The following LRRC41 variants were observed in gnomAD, a reference collection of about 807,000 sequenced individuals.
LRRC41 encodes the protein leucine-rich repeat-containing protein 41.
LRRC41 carries 17 observed loss-of-function variants against 72.1 expected under a neutral mutation model. The ratio of observed to expected loss-of-function variants is 0.24; its 90% confidence interval spans 0.16 to 0.35. The LOEUF is 0.35. LRRC41 is among the 10% of genes least tolerant of loss of function. The probability of loss-of-function intolerance (pLI) is 1.00; values close to 1 mark genes in which losing one functional copy is unlikely to be tolerated. For missense variants in LRRC41, 759 were observed against 1,065.0 expected, an observed-to-expected ratio of 0.71 and a Z score of 4.00; for synonymous variants, 427 against 431.0, an observed-to-expected ratio of 0.99 and a Z score of 0.11.
At chr1:46,290,935 T>G (rs1381340138) in intron 3 of LRRC41, among the ~76,000 whole-genome samples, 11 of 147,406 alleles carry the variant, frequency 7.5e-5, no homozygotes, top group Non-Finnish European at 1.2e-4. Flanking sequence ...TTTTTTTTTT[T>G]TTTTTTTTTA....
rs1324708456 is a variant in LRRC41, at chr1:46,278,773, G to GAT, written c.*90_*91dup. ...AGAAAAAAGGTGACAGAAAGAGAAA[G>GAT]ATAGAACTGGTGGTTGGGGTTCTGG... On this transcript the variant is annotated 3_prime_UTR_variant, in exon 10 of 10. Coordinates refer to ENST00000617190, the MANE Select transcript of LRRC41 (RefSeq NM_006369.5). The GAT allele has an allele frequency of 2.4e-6, 3 of 1,234,920 alleles. No homozygotes were observed. The highest frequency in any genetic ancestry group is 3.0e-5 in the African/African-American group (2 of 66,824). The allele number at this position is 1,234,920 out of a possible 1,614,324, so 76.5% of individuals were successfully genotyped here.
chr1:46,283,314 T>C (rs1186036432), intron 4 of LRRC41, among the ~76,000 whole-genome samples: 1 of 152,146 alleles, frequency 6.6e-6, no homozygotes, highest in Non-Finnish European at 1.5e-5. Flanking sequence ...GAAATAAATG[T>C]ATTTAACAAA....
At chr1:46,291,552 GTTTTT>G (rs1219656700) in intron 3 of LRRC41, among the ~76,000 whole-genome samples, 3 of 84,942 alleles carry the variant, frequency 3.5e-5, no homozygotes, top group East Asian at 3.3e-4. Flanking sequence ...GCCCCAGCTG[GTTTTT>G]TTTTTTTTTT....
Position 46,277,895 on chromosome 1 carries a change from C to G in LRRC41, c.*970G>C, listed in dbSNP as rs1319279387. ...GAGCAGCTGTGTGGTGGATGAGGAGCAGGATGTAGAGCGCCACTTCTCTCT... is the reference window on the plus strand; with the variant it reads ...GAGCAGCTGTGTGGTGGATGAGGAGGAGGATGTAGAGCGCCACTTCTCTCT... On this transcript the variant is annotated 3_prime_UTR_variant, in exon 10 of 10. Coordinates refer to ENST00000617190, the MANE Select transcript of LRRC41 (RefSeq NM_006369.5). 1.2e-6 allele frequency: 2 copies of G among 1,614,054 alleles called. No individual in the cohort carries two copies. The highest frequency in any genetic ancestry group is 1.7e-6 in the Non-Finnish European group (2 of 1,180,014).
Position 46,303,318 on chromosome 1 carries a change from G to C in LRRC41, c.5C>G (p.Ala2Gly). 1 of 1,523,216 alleles carries C rather than the reference G, an allele frequency of 6.6e-7. No individual in the cohort carries two copies. The highest frequency in any genetic ancestry group is 8.8e-7 in the Non-Finnish European group (1 of 1,137,464). The allele number at this position is 1,523,216 out of a possible 1,614,324, so 94.4% of individuals were successfully genotyped here. The change falls in exon 1 of 10, where the codon GCG becomes GGG. Residue 2 changes from alanine (A) to glycine (G), a missense_variant. By Grantham distance (60) the Ala-to-Gly change is moderately conservative (BLOSUM62 0). Around this residue, in one of 4 missense-constraint regions of LRRC41, gnomAD observed 106 missense variants for 66.1 expected, o/e 1.60. Transcript: ENST00000617190. ...CCGGGCGCGCCAGGCCTCGGGCGCC[G>C]CCATCTTGGGGAGGTGCGCGAGCCC... Reference protein sequence around the residue: MAAPEAWRARSC... With the variant: MGAPEAWRARSC...
rs1443443025 is a variant in LRRC41 at position 46,278,777 on chromosome 1, G to T, written c.*88C>A. The T allele has an allele frequency of 1.8e-5, 23 of 1,255,126 alleles. No individual in the cohort carries two copies. The highest frequency in any genetic ancestry group is 2.4e-5 in the Non-Finnish European group (21 of 876,804). The allele number at this position is 1,255,126 out of a possible 1,614,324, so 77.7% of individuals were successfully genotyped here. A position where few individuals can be genotyped will look rare whatever the true frequency, so the allele number is the denominator to read the frequency against. On this transcript the variant is annotated 3_prime_UTR_variant, in exon 10 of 10. Transcript: ENST00000617190. ...AAAAGGTGACAGAAAGAGAAAGATA[G>T]AACTGGTGGTTGGGGTTCTGGGCAG...
Position 46,298,247 on chromosome 1 carries a change from T to A in LRRC41, c.286+37A>T, listed in dbSNP as rs759325867. On this transcript the variant is annotated intron_variant, in intron 2 of 9. Coordinates refer to ENST00000617190, the MANE Select transcript of LRRC41 (RefSeq NM_006369.5). ...GAAGAACATTATGGTGCCTTGCTCATAATCATTGACTGAGAAAGAGACAGA... is the reference window on the plus strand; with the variant it reads ...GAAGAACATTATGGTGCCTTGCTCAAAATCATTGACTGAGAAAGAGACAGA... 2.1e-6 allele frequency: 3 copies of A among 1,409,848 alleles called. No homozygotes were observed. In the South Asian group the frequency reaches 3.6e-5, roughly 17 times the overall value. 87.3% of individuals were successfully genotyped at this position (1,409,848 alleles called of 1,614,324 possible).
At position 46,285,759 on chromosome 1, in the gene LRRC41, AGAG is replaced by A; in HGVS notation, c.1095_1097del (p.Ser366del). 2 of 1,600,636 alleles carry A rather than the reference AGAG, an allele frequency of 1.2e-6. No individual in the cohort carries two copies. Among genetic ancestry groups the A allele is most frequent in the Non-Finnish European group, 1.7e-6 (2 of 1,173,436 alleles). On this transcript the variant is annotated inframe_deletion, in exon 4 of 10. Transcript: ENST00000617190. The surrounding 1 kb of genome is among the most constrained non-coding windows in gnomAD (Gnocchi z 5.3). ...TGTATGAGGATGTAGAAGAAGAGGC[AGAG>A]GAGGTGGCTGCTGGAGCAGAAGGTG...
In LRRC41 at chr1:46,279,118, G is replaced by T. The variant is rs375968359; in HGVS notation, c.2220-34C>A. 1.9e-5 allele frequency: 31 copies of T among 1,605,496 alleles called. 1 individual carries two copies. Among genetic ancestry groups the T allele is most frequent in the Non-Finnish European group, 2.5e-5 (29 of 1,173,024 alleles). ...GTGAGATGGATTAGATATCCAGGAA[G>T]CAGTGAATTCCTGGTCTATATCTCT... On this transcript the variant is annotated intron_variant, in intron 9 of 9. Coordinates refer to ENST00000617190, the MANE Select transcript of LRRC41 (RefSeq NM_006369.5). This position sits in a 1 kb window ranked among gnomAD's most constrained non-coding sequence, Gnocchi z 4.5.
In LRRC41 at chr1:46,277,757, C is replaced by G. The variant is rs1032842899; in HGVS notation, c.*1108G>C. 7.8e-6 allele frequency: 12 copies of G among 1,536,410 alleles called. No homozygotes were observed. The highest frequency in any genetic ancestry group is 1.4e-5 in the African/African-American group (1 of 73,178). ...TTCAACCCTTTGGTTTTCCTGCTCC[C>G]TTTTTATGAGGATGGCTAAGCGCTG... On this transcript the variant is annotated 3_prime_UTR_variant, in exon 10 of 10. Transcript: ENST00000617190.
rs762687845 is a variant in LRRC41 at position 46,286,595 on chromosome 1, C to G, written c.358-96G>C. ...ATAGCACACTATTTACTGAGTCAGG[C>G]AACACTACAAATTCATTTAATCTTC... On this transcript the variant is annotated intron_variant, in intron 3 of 9. Coordinates refer to ENST00000617190, the MANE Select transcript of LRRC41 (RefSeq NM_006369.5). The surrounding 1 kb of genome is among the most constrained non-coding windows in gnomAD (Gnocchi z 5.5). 9 of 1,119,940 alleles carry G rather than the reference C, an allele frequency of 8.0e-6. No homozygotes were observed. The South Asian group carries it at 1.3e-4, about 16-fold the overall frequency. The allele number at this position is 1,119,940 out of a possible 1,614,324, so 69.4% of individuals were successfully genotyped here.
chr1:46,285,727 G>A lies in LRRC41; in HGVS notation c.1130C>T (p.Ala377Val), dbSNP rs1427778924. 1.9e-6 allele frequency: 3 copies of A among 1,608,458 alleles called. No homozygotes were observed. The highest frequency in any genetic ancestry group is 4.5e-5 in the East Asian group (2 of 44,788). ...ASSSTSSYKR[A>V]PASSAPQPKP... ...AGGCTGTGGGGCTGAGCTAGCTGGT[G>A]CCCGTTTGTATGAGGATGTAGAAGA... The change falls in exon 4 of 10, where the codon GCA becomes GTA. Residue 377 changes from alanine to valine, a missense_variant. Ala to Val is a moderately conservative substitution (Grantham distance 64). Around this residue, in one of 4 missense-constraint regions of LRRC41, gnomAD observed 427 missense variants for 520.9 expected, o/e 0.82. Coordinates refer to ENST00000617190, the MANE Select transcript of LRRC41 (RefSeq NM_006369.5). The surrounding 1 kb of genome is among the most constrained non-coding windows in gnomAD (Gnocchi z 5.3).
intron 1 of LRRC41, among the ~76,000 whole-genome samples, chr1:46,301,171 T>C (rs922188565): frequency 2.6e-5 from 4 of 152,106 alleles, no homozygotes; most frequent in South Asian, 2.1e-4. Flanking sequence ...GGAATTCTCA[T>C]CCCCAGTTAC....
chr1:46,299,585 A>C (rs962470439), intron 1 of LRRC41: 1 of 151,130 alleles, frequency 6.6e-6, no homozygotes, highest in Admixed American at 6.6e-5. Flanking sequence ...GCCTCAAAAA[A>C]TAAAAAATAG....
chr1:46,277,489 T>A lies in LRRC41; in HGVS notation c.*1376A>T. 2.4e-6 allele frequency: 1 copy of A among 413,878 alleles called. No individual in the cohort carries two copies. Among genetic ancestry groups the A allele is most frequent in the Non-Finnish European group, 4.5e-6 (1 of 222,134 alleles). The allele number at this position is 413,878 out of a possible 1,614,324, so 25.6% of individuals were successfully genotyped here. ...GAATAGATACCTAAATGATATTTAT[T>A]GAATGAGTTAGAGTTGGGCTTGGTG... On this transcript the variant is annotated 3_prime_UTR_variant, in exon 10 of 10. Transcript: ENST00000617190.
chr1:46,298,664 C>T, intron 1 of LRRC41: 1 of 257,350 alleles, frequency 3.9e-6, no homozygotes, highest in Non-Finnish European at 7.3e-6. Flanking sequence ...CACTTCTGCC[C>T]AAGCAAAATG....
chr1:46,279,025 C>T lies in LRRC41; in HGVS notation c.2279G>A (p.Gly760Asp). The change falls in exon 10 of 10, where the codon GGC (glycine) becomes GAC (aspartate). Residue 760 changes from glycine (G) to aspartate (D), a missense_variant. Physicochemically the swap from Gly to Asp is moderately conservative, Grantham distance 94. Coordinates refer to ENST00000617190, the MANE Select transcript of LRRC41 (RefSeq NM_006369.5). This position sits in a 1 kb window ranked among gnomAD's most constrained non-coding sequence, Gnocchi z 4.5. ...LEFAKRLERW[G>D]RGAFGHLRLF... ...GCGCAGGTGACCAAAGGCTCCACGG[C>T]CCCAGCGCTCCAGCCGCTTGGCGAA... 1 of 1,612,478 alleles carries T rather than the reference C, an allele frequency of 6.2e-7. No homozygotes were observed. Among genetic ancestry groups the T allele is most frequent in the Admixed American group, 1.7e-5 (1 of 59,794 alleles).
chr1:46,293,689 C>T (rs1661064386), intron 3 of LRRC41, among the ~76,000 whole-genome samples: 1 of 152,120 alleles, frequency 6.6e-6, no homozygotes, highest in Middle Eastern at 3.2e-3. Flanking sequence ...CATGCCTCAG[C>T]CTCCCAAGGA....
intron 3 of LRRC41, among the ~76,000 whole-genome samples, chr1:46,289,194 A>C (rs1660948877): frequency 6.6e-6 from 1 of 152,248 alleles, no homozygotes; most frequent in African/African-American, 2.4e-5. Context: ...TGCAGTGAGC[A>C]GCATGACACA....
Sources: gnomAD v4.1 joint callset for allele counts (sites outside exome capture counted in the v4.1 genomes callset) on GRCh38, gnomAD v4.1.1 for gene constraint, gnomAD v4.1.1 regional missense constraint, Gnocchi (gnomAD v3.1) non-coding constraint, MANE v1.5 for transcripts, NCBI Gene and HGNC (gene_info 2026-07-23, HGNC 2026-07-21) for gene names.